Variants in MCC observed in about 807,000 individuals in gnomAD.
The protein encoded by MCC is MCC regulator of Wnt signaling pathway.
In MCC, 90 loss-of-function variants were observed where a neutral mutation model predicts 116.2. The observed-to-expected ratio is 0.77, with a 90% confidence interval of 0.65 to 0.92. The LOEUF (loss-of-function observed/expected upper bound fraction) is 0.92, where lower values mean the gene tolerates loss of function less well. Ranked by LOEUF, MCC falls within the 40% of genes least tolerant of loss-of-function variation. The probability of loss-of-function intolerance (pLI) is 0.00; values close to 1 mark genes in which losing one functional copy is unlikely to be tolerated. For missense variants in MCC, 1,516 were observed against 1,312.2 expected (o/e 1.16, Z -2.40); for synonymous variants, 578 against 510.5 (o/e 1.13, Z -1.78).
At chr5:113,039,596 G>A (rs1751549792) in intron 17 of MCC, among the ~76,000 whole-genome samples, 1 of 152,136 alleles carries the variant, frequency 6.6e-6, no homozygotes, top group South Asian at 2.1e-4. Context: ...GCCCAATGCT[G>A]CCAGCACATG....
intron 3 of MCC, among the ~76,000 whole-genome samples, chr5:113,340,303 C>T (rs182102172): frequency 6.6e-6 from 1 of 152,220 alleles, no homozygotes; most frequent in Non-Finnish European, 1.5e-5. Context: ...ATCAAAACAC[C>T]TTTTAGGAGT....
chr5:113,183,606 C>T (rs191227938), intron 3 of MCC, among the ~76,000 whole-genome samples: 490 of 152,202 alleles, frequency 3.2e-3, no homozygotes, highest in Non-Finnish European at 5.4e-3. Context: ...CCCTCAGCTG[C>T]ATTAATTGGA....
intron 1 of MCC, among the ~76,000 whole-genome samples, chr5:113,403,980 C>T (rs1462885948): frequency 6.6e-6 from 1 of 152,164 alleles, no homozygotes; most frequent in Non-Finnish European, 1.5e-5. Context: ...GATTCTCCTG[C>T]CTCAGCCTCC....
rs140473745 is a variant in MCC, at chr5:113,079,260, C to T, written c.1784+3600G>A. On this transcript the variant is annotated intron_variant, in intron 11 of 18. Transcript: ENST00000408903. The stretch of plus-strand genomic sequence containing the variant: ...GGCAATTTATAGATTCAATGCCATC[C>T]CCATCAAGCTATCAATGACATTCTT... 8.5e-4 allele frequency among the ~76,000 whole-genome samples: 129 copies of T among 152,280 alleles called. 2 individuals carry two copies. The East Asian group carries it at 0.022, about 25-fold the overall frequency.
rs184695725 is a variant in MCC at position 113,251,029 on chromosome 5, G to A, written c.627+89490C>T. ...TAAGAGGTAGAGAATTTATCCAGAG[G>A]GGTTTCTTAAGGTCCTATTTTAACA... is the stretch of plus-strand genomic sequence containing the variant. On this transcript the variant is annotated intron_variant, in intron 3 of 18. Transcript: ENST00000408903. 7.0e-4 allele frequency among the ~76,000 whole-genome samples: 107 copies of A among 152,262 alleles called. 1 individual carries two copies. The highest frequency in any genetic ancestry group is 4.4e-4 in the Non-Finnish European group (30 of 68,020).
Position 113,464,216 on chromosome 5 carries a change from T to C in MCC, c.170+24029A>G, listed in dbSNP as rs114675650. On this transcript the variant is annotated intron_variant, in intron 1 of 18. Coordinates refer to ENST00000408903, the MANE Select transcript of MCC (RefSeq NM_001085377.2). ...AAATGGAGACAGTAAATATAGGCAA[T>C]CAAACAGAATCAAGCAGGAAACTCA... 5.5e-3 allele frequency among the ~76,000 whole-genome samples: 835 copies of C among 152,182 alleles called. 6 individuals carry two copies. Among genetic ancestry groups the C allele is most frequent in the Non-Finnish European group, 7.3e-3 (494 of 68,012 alleles).
intron 3 of MCC, among the ~76,000 whole-genome samples, chr5:113,206,083 A>C (rs945818817): frequency 6.6e-6 from 1 of 152,226 alleles, no homozygotes; most frequent in East Asian, 1.9e-4. Context: ...GACTGCTCCA[A>C]GACTGAAGTT....
intron 3 of MCC, among the ~76,000 whole-genome samples, chr5:113,194,398 C>T (rs145782187): frequency 3.3e-5 from 5 of 152,278 alleles, no homozygotes; most frequent in South Asian, 4.1e-4. Flanking sequence ...TGCGTGGGGG[C>T]TCACTCCCTG....
At chr5:113,125,573 C>G (rs747880964) in intron 5 of MCC, among the ~76,000 whole-genome samples, 1 of 152,108 alleles carries the variant, frequency 6.6e-6, no homozygotes, top group Non-Finnish European at 1.5e-5. Context: ...AACCTGGGAC[C>G]GGGAAATGAC....
intron 6 of MCC, among the ~76,000 whole-genome samples, chr5:113,120,516 T>A (rs1219450788): frequency 1.3e-5 from 2 of 152,200 alleles, no homozygotes; most frequent in Non-Finnish European, 2.9e-5. Context: ...ACCACTCTCC[T>A]CATTTTATTC....
rs199896071 is a variant in MCC at position 113,122,817 on chromosome 5, A to G, written c.894T>C (p.Asp298=). 3 of 1,614,160 alleles carry G rather than the reference A, an allele frequency of 1.9e-6. No individual in the cohort carries two copies. The African/African-American group carries it at 4.0e-5, about 22-fold the overall frequency. ...GTTCTGATCGCAGTTCTGAGTACTC[A>G]TCTTCCTCCCTGAGAAAAAAGGAGA... ...RLQGTTIREE[D]EYSELRSELS... Residue 298 remains aspartate (D), a synonymous_variant, in exon 6 of 19, where the codon GAT becomes GAC. Transcript: ENST00000408903.
intron 3 of MCC, chr5:113,204,377 G>A (rs1581249708): frequency 6.6e-6 from 1 of 152,156 alleles, no homozygotes; most frequent in East Asian, 1.9e-4. Context: ...AAACTGTGTG[G>A]ATAGCTAGTT....
intron 3 of MCC, among the ~76,000 whole-genome samples, chr5:113,262,598 T>A (rs1765257161): frequency 6.6e-6 from 1 of 152,140 alleles, no homozygotes; most frequent in African/African-American, 2.4e-5. Flanking sequence ...TAGAGAGGGT[T>A]GTCCTCTTTC....
intron 1 of MCC, among the ~76,000 whole-genome samples, chr5:113,477,419 A>C (rs1452293291): frequency 6.6e-6 from 1 of 152,228 alleles, no homozygotes; most frequent in Non-Finnish European, 1.5e-5. Context: ...GTTTCACCTA[A>C]AACAGCTAGA....
rs146886449 is a variant in MCC at position 113,260,949 on chromosome 5, C to A, written c.627+79570G>T. On this transcript the variant is annotated intron_variant, in intron 3 of 18. Transcript: ENST00000408903. ...TTTTCTTGAAGTAATAGCCTCATTT[C>A]TGGGAAAATATCAAATGGTTTAAGT... Among the ~76,000 whole-genome samples the A allele has an allele frequency of 1.9e-3, 288 of 152,116 alleles. 2 individuals carry two copies. Among genetic ancestry groups the A allele is most frequent in the African/African-American group, 6.6e-3 (275 of 41,504 alleles).
intron 1 of MCC, among the ~76,000 whole-genome samples, chr5:113,417,969 G>T (rs918982111): frequency 6.6e-6 from 1 of 150,588 alleles, no homozygotes; most frequent in Non-Finnish European, 1.5e-5. Context: ...GTGAAAATAA[G>T]AAATAATTTT....
In MCC at chr5:113,042,284, C is replaced by T. The variant is rs1246384995; in HGVS notation, c.2756+1246G>A. On this transcript the variant is annotated intron_variant, in intron 17 of 18. Transcript: ENST00000408903. ...CCCAGGAGTTTGAGACCAGCCTGGG[C>T]AACGTAGGGAGACCCTGTCTCAAAA... is the stretch of plus-strand genomic sequence containing the variant. Among the ~76,000 whole-genome samples the T allele has an allele frequency of 2.3e-5, 3 of 132,634 alleles. No homozygotes were observed. In the East Asian group the frequency reaches 6.6e-4, roughly 29 times the overall value. 87.0% of individuals were successfully genotyped at this position (132,634 alleles called of 152,430 possible). A position where few individuals can be genotyped will look rare whatever the true frequency, so the allele number is the denominator to read the frequency against.
At chr5:113,460,625 GTGCTCACAGAGCATCAAAAGA>G (rs1771718290) in intron 1 of MCC, among the ~76,000 whole-genome samples, 1 of 152,166 alleles carries the variant, frequency 6.6e-6, no homozygotes, top group Non-Finnish European at 1.5e-5. Context: ...TGTGTGCCTT[GTGCTCACAGAGCATCAAAAGA>G]TGCTCACAGA....
intron 1 of MCC, among the ~76,000 whole-genome samples, chr5:113,455,288 C>T (rs1457407919): frequency 6.6e-6 from 1 of 152,190 alleles, no homozygotes; most frequent in East Asian, 1.9e-4. Context: ...CACCTGCCTG[C>T]TAGCCCATAT....
Sources: gnomAD v4.1 joint callset for allele counts (sites outside exome capture counted in the v4.1 genomes callset) on GRCh38, gnomAD v4.1.1 for gene constraint, MANE v1.5 for transcripts, NCBI Gene and HGNC (gene_info 2026-07-23, HGNC 2026-07-21) for gene names.